Variants in ROBO2 observed in about 807,000 individuals in gnomAD.
ROBO2 encodes the protein roundabout guidance receptor 2.
A neutral mutation model predicts 160.8 loss-of-function variants in ROBO2; 53 were observed. The ratio of observed to expected loss-of-function variants is 0.33; its 90% CI spans 0.26 to 0.41. ROBO2 has a LOEUF of 0.41. Among genes scored for constraint, ROBO2 ranks in the 10% least tolerant of loss-of-function variants. The probability of loss-of-function intolerance (pLI) is 1.00; values close to 1 mark genes in which losing one functional copy is unlikely to be tolerated. For missense variants in ROBO2, 1,577 were observed against 1,722.4 expected (o/e 0.92, Z 1.49); for synonymous variants, 664 against 611.7 (o/e 1.09, Z -1.26).
upstream of ROBO2, among the ~76,000 whole-genome samples, chr3:77,036,884 A>G (rs1452564213): frequency 6.6e-6 from 1 of 151,238 alleles, no homozygotes; most frequent in Non-Finnish European, 1.5e-5. Flanking sequence ...TTTTTGCTAA[A>G]GCACTGCTAA....
chr3:76,755,545 A>G lies in ROBO2; in HGVS notation c.110-342469A>G, dbSNP rs62261774. Among the ~76,000 whole-genome samples the G allele has an allele frequency of 7.4e-3, 1,128 of 151,978 alleles. 7 individuals carry two copies. Among genetic ancestry groups the G allele is most frequent in the Non-Finnish European group, 0.011 (716 of 67,878 alleles). ...TTAAAACTAGCTAACCTTCAAGGCA[A>G]TCCACCTGTTCCTGTCTTGATTCCA... On this transcript the variant is annotated intron_variant, in intron 2 of 26. Transcript: ENST00000487694.
intron 2 of ROBO2, among the ~76,000 whole-genome samples, chr3:76,855,792 A>G (rs1410736368): frequency 6.6e-6 from 1 of 152,210 alleles, no homozygotes; most frequent in Non-Finnish European, 1.5e-5. Context: ...GTTTCTGCAC[A>G]TTATACCACT....
chr3:77,416,764 G>A (rs1385243937), intron 2 of ROBO2, among the ~76,000 whole-genome samples: 4 of 150,816 alleles, frequency 2.7e-5, no homozygotes, highest in Non-Finnish European at 4.4e-5. Flanking sequence ...GCCTCCTGCT[G>A]CTATCAACAA....
intron 2 of ROBO2, among the ~76,000 whole-genome samples, chr3:77,177,713 A>G (rs936997150): frequency 3.3e-5 from 5 of 151,906 alleles, no homozygotes; most frequent in Non-Finnish European, 5.9e-5. Flanking sequence ...CTATTTTTCT[A>G]GTTAAATATA....
chr3:76,353,024 T>C (rs1039177736), intron 2 of ROBO2, among the ~76,000 whole-genome samples: 11 of 151,944 alleles, frequency 7.2e-5, no homozygotes, highest in African/African-American at 2.7e-4. Context: ...AAAATACAAT[T>C]CTAACTTAGC....
intron 2 of ROBO2, among the ~76,000 whole-genome samples, chr3:77,455,651 C>T (rs1302834757): frequency 2.6e-5 from 4 of 151,780 alleles, no homozygotes; most frequent in African/African-American, 7.3e-5. Context: ...AGGATGGTCT[C>T]GATCTCCTGA....
At chr3:75,939,393 T>G (rs561959463) in intron 2 of ROBO2, among the ~76,000 whole-genome samples, 3 of 152,294 alleles carry the variant, frequency 2.0e-5, no homozygotes, top group African/African-American at 7.2e-5. Context: ...CCCTTTTATT[T>G]ACTCAATATT....
At chr3:76,451,342 C>T (rs888490172) in intron 2 of ROBO2, among the ~76,000 whole-genome samples, 17 of 152,252 alleles carry the variant, frequency 1.1e-4, no homozygotes, top group Non-Finnish European at 2.2e-4. Context: ...AGTAGCATAA[C>T]CCTTCTTTTG....
At chr3:77,188,595 AG>A (rs2081502642) in intron 2 of ROBO2, among the ~76,000 whole-genome samples, 1 of 151,900 alleles carries the variant, frequency 6.6e-6, no homozygotes, top group Non-Finnish European at 1.5e-5. Flanking sequence ...TGCCAGTAAA[AG>A]TAAATGTCTA....
At chr3:76,695,814 G>C (rs1180925415) in intron 2 of ROBO2, among the ~76,000 whole-genome samples, 1 of 152,144 alleles carries the variant, frequency 6.6e-6, no homozygotes, top group South Asian at 2.1e-4. Flanking sequence ...AATAGGATTT[G>C]AATCCAGGTA....
At chr3:77,018,199 A>T (rs1054059484) in intron 2 of ROBO2, among the ~76,000 whole-genome samples, 1 of 151,960 alleles carries the variant, frequency 6.6e-6, no homozygotes, top group Non-Finnish European at 1.5e-5. Context: ...GCCTCCAAGG[A>T]TCAAGCAATT....
chr3:76,135,747 T>C (rs914027162), intron 2 of ROBO2, among the ~76,000 whole-genome samples: 1 of 152,114 alleles, frequency 6.6e-6, no homozygotes, highest in African/African-American at 2.4e-5. Flanking sequence ...TCAAATTTCC[T>C]TTTTCAGAGC....
At chr3:76,315,439 G>C (rs1393457218) in intron 2 of ROBO2, among the ~76,000 whole-genome samples, 1 of 152,090 alleles carries the variant, frequency 6.6e-6, no homozygotes, top group South Asian at 2.1e-4. Context: ...TGTATTATGA[G>C]CACATACTAC....
chr3:76,459,942 G>A (rs1249477086), intron 2 of ROBO2, among the ~76,000 whole-genome samples: 1 of 152,060 alleles, frequency 6.6e-6, no homozygotes. Flanking sequence ...AACCAAGAGA[G>A]CGTGTCAAGC....
intron 1 of ROBO2, among the ~76,000 whole-genome samples, chr3:77,046,672 A>T (rs2064701853): frequency 6.6e-6 from 1 of 152,134 alleles, no homozygotes; most frequent in Non-Finnish European, 1.5e-5. Flanking sequence ...TGCCTATGAG[A>T]GACTGTTTCT....
intron 2 of ROBO2, among the ~76,000 whole-genome samples, chr3:76,029,908 A>G (rs2066863247): frequency 1.3e-5 from 2 of 152,146 alleles, no homozygotes; most frequent in Admixed American, 6.6e-5. Context: ...GTCAAATGGT[A>G]TTTCTAGTTA....
intron 2 of ROBO2, among the ~76,000 whole-genome samples, chr3:76,148,810 A>G (rs1342384647): frequency 2.6e-5 from 4 of 151,472 alleles, no homozygotes; most frequent in Admixed American, 2.6e-4. Flanking sequence ...TGTTTCCTCC[A>G]CTTTTCCTTT....
At chr3:76,312,706 T>C (rs559038981) in intron 2 of ROBO2, among the ~76,000 whole-genome samples, 33 of 152,338 alleles carry the variant, frequency 2.2e-4, no homozygotes, top group Middle Eastern at 3.4e-3. Flanking sequence ...TGTATGGTGT[T>C]ATTGATGTCA....
In ROBO2 at chr3:77,278,832, G is replaced by A. The variant is rs990837286; in HGVS notation, c.388+180492G>A. 5.3e-5 allele frequency among the ~76,000 whole-genome samples: 8 copies of A among 152,132 alleles called. No individual in the cohort carries two copies. The South Asian group carries it at 1.4e-3, about 28-fold the overall frequency. On this transcript the variant is annotated intron_variant, in intron 2 of 25. Transcript: ENST00000461745. ...AGTACAAAAATAAAATAGCCACCAG[G>A]AGGAAAAAAGACAAACAAAAATATG...
Sources: allele counts gnomAD v4.1 joint callset (sites outside exome capture counted in the v4.1 genomes callset), GRCh38; gene constraint gnomAD v4.1.1; transcripts MANE v1.5; gene names NCBI Gene and HGNC (gene_info 2026-07-23, HGNC 2026-07-21).